Variants in GRIN2B observed in about 807,000 individuals in gnomAD.
GRIN2B encodes the protein glutamate receptor ionotropic, NMDA 2B.
GRIN2B carries 5 observed loss-of-function variants against 114.5 expected under a neutral mutation model. The observed-to-expected ratio is 0.04, with a 90% confidence interval of 0.02 to 0.09. The LOEUF (loss-of-function observed/expected upper bound fraction) is 0.09. Among genes scored for constraint, GRIN2B ranks in the 10% least tolerant of loss-of-function variants. GRIN2B has a pLI of 1.00. For synonymous variants in GRIN2B, 787 were observed against 745.1 expected, an observed-to-expected ratio of 1.06 and a Z score of -0.92; for missense variants, 1,108 against 1,943.5, an observed-to-expected ratio of 0.57 and a Z score of 8.08.
At chr12:13,730,375 A>G (rs757770667) in intron 4 of GRIN2B, among the ~76,000 whole-genome samples, 16 of 152,070 alleles carry the variant, frequency 1.1e-4, no homozygotes, top group Non-Finnish European at 1.9e-4. Flanking sequence ...CTAATAACCA[A>G]ACAAGCTGAC....
intron 10 of GRIN2B, among the ~76,000 whole-genome samples, chr12:13,606,996 A>G (rs928511741): frequency 7.3e-5 from 11 of 149,892 alleles, no homozygotes; most frequent in Non-Finnish European, 1.0e-4. Context: ...AAAGGGGTAA[A>G]CACAGTGGAG....
intron 3 of GRIN2B, among the ~76,000 whole-genome samples, chr12:13,848,564 A>C (rs1865505987): frequency 6.6e-6 from 1 of 152,216 alleles, no homozygotes; most frequent in Non-Finnish European, 1.5e-5. Flanking sequence ...TTCCAATTGC[A>C]TAACTTTTCC....
At chr12:13,808,768 T>TATATATATATATATAC (rs1304848084) in intron 3 of GRIN2B, among the ~76,000 whole-genome samples, 2 of 147,016 alleles carry the variant, frequency 1.4e-5, no homozygotes, top group South Asian at 4.3e-4. Context: ...TATATATATA[T>TATATATATATATATAC]ATACATATAA....
intron 11 of GRIN2B, 115 bp downstream of exon 11, chr12:13,571,689 C>A: frequency 8.9e-7 from 1 of 1,124,130 alleles, no homozygotes. Flanking sequence ...CAAATGAAGT[C>A]TTCTTTAACA....
At chr12:13,832,709 T>C (rs1043752274) in intron 3 of GRIN2B, among the ~76,000 whole-genome samples, 2 of 152,238 alleles carry the variant, frequency 1.3e-5, no homozygotes, top group African/African-American at 4.8e-5. Flanking sequence ...CCTTCATCAC[T>C]GAACATGTAA....
intron 5 of GRIN2B, 101 bp from the exon 6 acceptor site, chr12:13,616,758 A>G (rs1949448573): frequency 1.1e-6 from 1 of 909,194 alleles, no homozygotes; most frequent in African/African-American, 1.6e-5. Flanking sequence ...AGTTGAACAA[A>G]AGCCAACAAG....
chr12:13,762,809 G>C (rs1437185353), intron 3 of GRIN2B, among the ~76,000 whole-genome samples: 4 of 152,166 alleles, frequency 2.6e-5, no homozygotes, highest in South Asian at 2.1e-4. Flanking sequence ...AGTCATGCTT[G>C]TTTGGCCACA....
rs555449285 is a variant in GRIN2B at position 13,539,924 on chromosome 12, A to G, written c.*22859T>C. ...ATTATGGCTACCTTATGATGTCACA[A>G]TGGTATTGTTAAACTAAAAAAGAGT... On this transcript the variant is annotated 3_prime_UTR_variant, in exon 14 of 14. Transcript: ENST00000609686. 23 of 152,334 alleles carry G rather than the reference A, an allele frequency of 1.5e-4. No homozygotes were observed. The highest frequency in any genetic ancestry group is 2.9e-4 in the Non-Finnish European group (20 of 68,036). The allele number at this position is 152,334 out of a possible 1,614,324, so 9.4% of individuals were successfully genotyped here. A position where few individuals can be genotyped will look rare whatever the true frequency, so the allele number is the denominator to read the frequency against.
At chr12:13,835,333 C>T (rs1300957180) in intron 3 of GRIN2B, among the ~76,000 whole-genome samples, 1 of 152,090 alleles carries the variant, frequency 6.6e-6, no homozygotes, top group African/African-American at 2.4e-5. Context: ...GCGCATGCAC[C>T]CTCATTTATC....
Position 13,562,626 on chromosome 12 carries a change from C to T in GRIN2B, c.*157G>A, listed in dbSNP as rs201387951. On this transcript the variant is annotated 3_prime_UTR_variant, in exon 14 of 14. Coordinates refer to ENST00000609686, the MANE Select transcript of GRIN2B (RefSeq NM_000834.5). ...ATGGTGCTGGTCACCAGGGTTGCCC[C>T]CAGTAGGAACCAGAACTCCAGGATC... 231 of 695,392 alleles carry T rather than the reference C, an allele frequency of 3.3e-4. 4 individuals carry two copies. The South Asian group carries it at 3.4e-3, about 10-fold the overall frequency. 43.1% of individuals were successfully genotyped at this position (695,392 alleles called of 1,614,324 possible).
intron 3 of GRIN2B, among the ~76,000 whole-genome samples, chr12:13,853,062 G>A (rs1177352447): frequency 2.0e-5 from 3 of 152,144 alleles, no homozygotes; most frequent in African/African-American, 4.8e-5. Flanking sequence ...CAGATCTTCA[G>A]GCATCTTGAT....
intron 10 of GRIN2B, among the ~76,000 whole-genome samples, chr12:13,573,003 C>G (rs754633914): frequency 6.7e-6 from 1 of 150,194 alleles, no homozygotes; most frequent in Non-Finnish European, 1.5e-5. Flanking sequence ...TAGATTGAAA[C>G]AGATACGGAT....
At chr12:13,860,689 A>C (rs931582389) in intron 3 of GRIN2B, among the ~76,000 whole-genome samples, 3 of 152,212 alleles carry the variant, frequency 2.0e-5, no homozygotes, top group African/African-American at 4.8e-5. Flanking sequence ...ATATTTTTGC[A>C]TGTCATCTAA....
chr12:13,616,967 C>T (rs757565467), intron 5 of GRIN2B, among the ~76,000 whole-genome samples: 3 of 152,210 alleles, frequency 2.0e-5, no homozygotes, highest in Non-Finnish European at 4.4e-5. Context: ...TCATGAAGCT[C>T]ACAGTGAGTG....
intron 2 of GRIN2B, among the ~76,000 whole-genome samples, chr12:13,953,771 C>T (rs1867537798): frequency 1.3e-5 from 2 of 152,224 alleles, no homozygotes; most frequent in Non-Finnish European, 2.9e-5. Flanking sequence ...CAAAGGTTCA[C>T]ACTGGCTTCC....
intron 11 of GRIN2B, 84 bp from the exon 12 acceptor site, chr12:13,570,101 G>A: frequency 1.1e-6 from 1 of 940,776 alleles, no homozygotes; most frequent in South Asian, 1.4e-5. Flanking sequence ...AAGCAGTAGG[G>A]TTCCAGAAAA....
chr12:13,913,384 A>C lies in GRIN2B; in HGVS notation c.-18-47158T>G, dbSNP rs560605234. On this transcript the variant is annotated intron_variant, in intron 2 of 13. Transcript: ENST00000609686. Reference sequence around the variant, plus strand: ...AGAAGAGAGTTTTTTTGGAGCCTCCAGAAGGCTCTAACAGTGCCCCCTTTG... The same window carrying C: ...AGAAGAGAGTTTTTTTGGAGCCTCCCGAAGGCTCTAACAGTGCCCCCTTTG... Among the ~76,000 whole-genome samples, 4 of 152,258 alleles carry C rather than the reference A, an allele frequency of 2.6e-5. No homozygotes were observed. In the South Asian group the frequency reaches 8.3e-4, roughly 32 times the overall value.
intron 3 of GRIN2B, among the ~76,000 whole-genome samples, chr12:13,773,119 G>A (rs1294591253): frequency 6.6e-6 from 1 of 152,112 alleles, no homozygotes; most frequent in Non-Finnish European, 1.5e-5. Context: ...AGTGTTTCCA[G>A]GTACCCACCT....
intron 2 of GRIN2B, among the ~76,000 whole-genome samples, chr12:13,925,390 T>C (rs1194035074): frequency 6.6e-6 from 1 of 152,226 alleles, no homozygotes; most frequent in African/African-American, 2.4e-5. Context: ...AGAGCTGTTA[T>C]GTCACAAAAG....
Sources: allele counts gnomAD v4.1 joint callset (sites outside exome capture counted in the v4.1 genomes callset), GRCh38; gene constraint gnomAD v4.1.1; transcripts MANE v1.5; gene names NCBI Gene and HGNC (gene_info 2026-07-23, HGNC 2026-07-21).